ZPLD1: variants seen among roughly 807,000 people sequenced by gnomAD.
ZPLD1 encodes zona pellucida-like domain-containing protein 1.
In ZPLD1, 34 loss-of-function variants were observed where a neutral mutation model predicts 47.2. The ratio of observed to expected loss-of-function variants is 0.72; its 90% CI spans 0.55 to 0.96. The LOEUF is 0.96. ZPLD1 is among the 40% of genes least tolerant of loss of function. ZPLD1 has a pLI of 0.00. For missense variants in ZPLD1, 512 were observed against 505.8 expected, an observed-to-expected ratio of 1.01 and a Z score of -0.12; for synonymous variants, 176 against 186.2, an observed-to-expected ratio of 0.95 and a Z score of 0.45.
chr3:102,461,162 G>T (rs1707501255), intron 6 of ZPLD1, among the ~76,000 whole-genome samples: 1 of 151,862 alleles, frequency 6.6e-6, no homozygotes, highest in Non-Finnish European at 1.5e-5. Context: ...GCCTTCTAAA[G>T]ATATTATGGT....
intron 6 of ZPLD1, among the ~76,000 whole-genome samples, chr3:102,460,499 A>G (rs575280602): frequency 6.6e-6 from 1 of 152,160 alleles, no homozygotes; most frequent in East Asian, 1.9e-4. Flanking sequence ...CATTGTGGAA[A>G]TGGAAAGTAA....
intron 10 of ZPLD1, among the ~76,000 whole-genome samples, chr3:102,475,138 A>T (rs1276029754): frequency 2.0e-5 from 3 of 152,056 alleles, no homozygotes; most frequent in Non-Finnish European, 4.4e-5. Flanking sequence ...ACCACCTGCC[A>T]AAGGTAGTAT....
intron 6 of ZPLD1, among the ~76,000 whole-genome samples, chr3:102,388,611 G>T (rs1474744404): frequency 6.6e-6 from 1 of 151,904 alleles, no homozygotes; most frequent in African/African-American, 2.4e-5. Flanking sequence ...TTTACCACTA[G>T]TTTCTCTATT....
intron 8 of ZPLD1, among the ~76,000 whole-genome samples, chr3:102,421,900 C>G (rs992796287): frequency 1.3e-5 from 2 of 151,006 alleles, no homozygotes; most frequent in African/African-American, 4.9e-5. Flanking sequence ...ATTTCTAGAC[C>G]CCCAAGTCCC....
At chr3:102,442,355 CACACA>C (rs1170653304) in intron 3 of ZPLD1, among the ~76,000 whole-genome samples, 1 of 143,286 alleles carries the variant, frequency 7.0e-6, no homozygotes, top group Non-Finnish European at 1.5e-5. Context: ...CACACACACA[CACACA>C]CACAGTTACA....
At chr3:102,393,580 A>G (rs528429031) in intron 7 of ZPLD1, among the ~76,000 whole-genome samples, 6 of 152,214 alleles carry the variant, frequency 3.9e-5, no homozygotes, top group African/African-American at 1.4e-4. Context: ...AAGGCATGGC[A>G]GAAATCTACC....
At chr3:102,433,590 T>C (rs986437952), upstream of ZPLD1, among the ~76,000 whole-genome samples, 12 of 152,192 alleles carry the variant, frequency 7.9e-5, no homozygotes, top group African/African-American at 2.7e-4. Flanking sequence ...TGCAGTGGCG[T>C]GATCTCGGCT....
chr3:102,433,076 G>T (rs1176705258), upstream of ZPLD1, among the ~76,000 whole-genome samples: 1 of 152,126 alleles, frequency 6.6e-6, no homozygotes, highest in Non-Finnish European at 1.5e-5. Context: ...ATGCAGATAT[G>T]CAATAAAAAT....
Position 102,466,364 on chromosome 3 carries a change from A to G in ZPLD1, c.761+2113A>G, listed in dbSNP as rs1707593019. On this transcript the variant is annotated intron_variant, in intron 8 of 11. Coordinates refer to ENST00000466937, the MANE Select transcript of ZPLD1 (RefSeq NM_001329788.2). ...AGGTTTAGGGAAATCCAACTCTTTC[A>G]AACTTGAATGATAAACAGATGCAGG... 2.0e-5 allele frequency among the ~76,000 whole-genome samples: 3 copies of G among 152,234 alleles called. No homozygotes were observed. In the South Asian group the frequency reaches 6.2e-4, roughly 32 times the overall value.
intron 8 of ZPLD1, among the ~76,000 whole-genome samples, chr3:102,427,378 T>C (rs1016254214): frequency 2.0e-5 from 3 of 152,186 alleles, no homozygotes; most frequent in African/African-American, 7.2e-5. Flanking sequence ...CTCTTGCTGA[T>C]TTTATCTCTT....
chr3:102,477,608 T>A lies in ZPLD1; in HGVS notation c.1238T>A (p.Val413Asp). 2 of 1,612,172 alleles carry A rather than the reference T, an allele frequency of 1.2e-6. No homozygotes were observed. The highest frequency in any genetic ancestry group is 1.7e-6 in the Non-Finnish European group (2 of 1,179,186). ...GTGTTGAATGGCATAAGAAACCCAG[T>A]CTTTGACTGACTATAACAGATTCCT... ...SLVLNGIRNPVFD is the reference protein window; with the variant it reads ...SLVLNGIRNPDFD Residue 413 changes from valine to aspartate, a missense_variant, in exon 12 of 12, where the codon GTC becomes GAC. Physicochemically the swap from Val to Asp is radical, Grantham distance 152. Transcript: ENST00000466937.
intron 8 of ZPLD1, among the ~76,000 whole-genome samples, chr3:102,418,984 T>C (rs1706843995): frequency 6.6e-6 from 1 of 152,020 alleles, no homozygotes; most frequent in African/African-American, 2.4e-5. Context: ...TTTTTGGTGT[T>C]AAGGAAGAGA....
chr3:102,428,720 G>A (rs931983078), intron 8 of ZPLD1, among the ~76,000 whole-genome samples: 1 of 150,018 alleles, frequency 6.7e-6, no homozygotes, highest in Non-Finnish European at 1.5e-5. Context: ...TAACATATAT[G>A]TATATATATG....
chr3:102,396,786 C>T (rs376586943), intron 7 of ZPLD1, among the ~76,000 whole-genome samples: 24 of 152,080 alleles, frequency 1.6e-4, no homozygotes, highest in African/African-American at 4.8e-4. Flanking sequence ...CTGAACAGCT[C>T]GGTGGTCTAT....
chr3:102,466,429 C>T lies in ZPLD1; in HGVS notation c.761+2178C>T, dbSNP rs1172302002. ...TTCCAATATTCTACAGGAAAAATAT[C>T]GAAAATGGCAGAAAAGAAAATTTAA... is the stretch of plus-strand genomic sequence containing the variant. On this transcript the variant is annotated intron_variant, in intron 8 of 11. Transcript: ENST00000466937. 3.9e-5 allele frequency among the ~76,000 whole-genome samples: 6 copies of T among 151,914 alleles called. No individual in the cohort carries two copies. In the East Asian group the frequency reaches 9.6e-4, roughly 24 times the overall value.
At chr3:102,387,257 G>A (rs1218598128) in intron 6 of ZPLD1, among the ~76,000 whole-genome samples, 1 of 152,080 alleles carries the variant, frequency 6.6e-6, no homozygotes, top group Non-Finnish European at 1.5e-5. Context: ...CATCATCACA[G>A]TTGATAAAAA....
At position 102,392,998 on chromosome 3, in the gene ZPLD1, C is replaced by T. The variant is rs77206344; in HGVS notation, c.-157+773C>T. 2.7e-3 allele frequency among the ~76,000 whole-genome samples: 415 copies of T among 152,220 alleles called. 1 individual carries two copies. The highest frequency in any genetic ancestry group is 6.8e-3 in the Middle Eastern group (2 of 294). On this transcript the variant is annotated intron_variant, in intron 7 of 17. Transcript: ENST00000491959. ...TGATATCTGTTTACATGCATACTAT[C>T]TTCTTTCCTCTTCCTTCAAACACAT...
intron 7 of ZPLD1, among the ~76,000 whole-genome samples, chr3:102,411,774 G>C (rs1465554175): frequency 6.6e-6 from 1 of 151,840 alleles, no homozygotes; most frequent in East Asian, 1.9e-4. Context: ...GGATAGGAGA[G>C]ATGGAGTTTA....
chr3:102,401,852 G>T (rs1226844972), intron 7 of ZPLD1, among the ~76,000 whole-genome samples: 1 of 152,014 alleles, frequency 6.6e-6, no homozygotes, highest in Non-Finnish European at 1.5e-5. Flanking sequence ...TAGCAAAGAA[G>T]AGAGAAAAAG....
Sources: allele counts gnomAD v4.1 joint callset (sites outside exome capture counted in the v4.1 genomes callset), GRCh38; gene constraint gnomAD v4.1.1; transcripts MANE v1.5; gene names NCBI Gene and HGNC (gene_info 2026-07-23, HGNC 2026-07-21).